Variants in CCDC30 observed in about 807,000 individuals in gnomAD.
CCDC30 encodes coiled-coil domain-containing protein 30.
CCDC30 carries 70 observed loss-of-function variants against 100.2 expected under a neutral mutation model. The observed-to-expected ratio is 0.70, with a 90% confidence interval of 0.58 to 0.85. The LOEUF is 0.85. Ranked by LOEUF, CCDC30 falls within the 40% of genes least tolerant of loss-of-function variation. CCDC30 has a pLI of 0.00. For synonymous variants in CCDC30, 233 were observed against 269.5 expected, an observed-to-expected ratio of 0.86 and a Z score of 1.33; for missense variants, 652 against 771.2, an observed-to-expected ratio of 0.85 and a Z score of 1.83.
intron 6 of CCDC30, among the ~76,000 whole-genome samples, chr1:42,532,165 C>T (rs893312128): frequency 6.6e-6 from 1 of 152,090 alleles, no homozygotes; most frequent in East Asian, 1.9e-4. Flanking sequence ...TTTTTGCCAT[C>T]GTAGTTTCCA....
intron 10 of CCDC30, among the ~76,000 whole-genome samples, chr1:42,606,703 AT>A (rs1230326953): frequency 6.6e-6 from 1 of 152,230 alleles, no homozygotes; most frequent in Non-Finnish European, 1.5e-5. Flanking sequence ...TAAACCTTAA[AT>A]TACAGCATGG....
At position 42,482,836 on chromosome 1, in the gene CCDC30, G is replaced by A; in HGVS notation, c.169+20G>A. The A allele has an allele frequency of 8.1e-7, 1 of 1,229,180 alleles. No homozygotes were observed. The highest frequency in any genetic ancestry group is 1.0e-6 in the Non-Finnish European group (1 of 984,206). The allele number at this position is 1,229,180 out of a possible 1,614,324, so 76.1% of individuals were successfully genotyped here. A position where few individuals can be genotyped will look rare whatever the true frequency, so the allele number is the denominator to read the frequency against. On this transcript the variant is annotated intron_variant, in intron 3 of 16. Transcript: ENST00000668663. The stretch of plus-strand genomic sequence containing the variant: ...AATTAGGTAAGCTGTGGTTTCAGAT[G>A]ACCATTTCCGATCATGCTTTAACTG...
chr1:42,521,484 A>G (rs932815729), intron 6 of CCDC30, among the ~76,000 whole-genome samples: 3 of 152,200 alleles, frequency 2.0e-5, no homozygotes, highest in Non-Finnish European at 2.9e-5. Flanking sequence ...CATATGATCT[A>G]TCTTGTAGAT....
At chr1:42,482,849 C>A in intron 3 of CCDC30, 33 bp downstream of exon 3, 1 of 1,202,152 alleles carries the variant, frequency 8.3e-7, no homozygotes, top group Non-Finnish European at 1.0e-6. Context: ...CATTTCCGAT[C>A]ATGCTTTAAC....
chr1:42,559,704 A>G (rs997030621), intron 6 of CCDC30, among the ~76,000 whole-genome samples: 2 of 152,170 alleles, frequency 1.3e-5, no homozygotes, highest in Admixed American at 1.3e-4. Flanking sequence ...GGGAGACTTT[A>G]ACACCCCACT....
chr1:42,539,133 T>A, intron 6 of CCDC30, 40 bp from the exon 8 acceptor site: 1 of 1,422,692 alleles, frequency 7.0e-7, no homozygotes, highest in South Asian at 1.5e-5. Context: ...GGGAAAATAG[T>A]CTTATTTTAT....
At chr1:42,653,110 A>C (rs1379206859) in intron 15 of CCDC30, among the ~76,000 whole-genome samples, 1 of 152,146 alleles carries the variant, frequency 6.6e-6, no homozygotes, top group East Asian at 1.9e-4. Context: ...ATAACAAAAG[A>C]AGCAAGGTGA....
intron 16 of CCDC30, 143 bp downstream of exon 20, chr1:42,653,586 A>G: frequency 1.5e-6 from 1 of 653,316 alleles, no homozygotes; most frequent in Non-Finnish European, 2.7e-6. Context: ...TACATGAATT[A>G]TTTGAATCTT....
Position 42,641,215 on chromosome 1 carries a change from TTGTGTGTGTGTGTGTGTG to T in CCDC30, c.1420-1229_1420-1212del, listed in dbSNP as rs71065188. Among the ~76,000 whole-genome samples the T allele has an allele frequency of 7.6e-5, 10 of 132,444 alleles. No homozygotes were observed. In the South Asian group the frequency reaches 1.3e-3, roughly 17 times the overall value. 86.9% of individuals were successfully genotyped at this position (132,444 alleles called of 152,430 possible). On this transcript the variant is annotated intron_variant, in intron 12 of 16. Transcript: ENST00000668663. ...CAGCCTTGAACTCCACACATGGCTTTTGTGTGTGTGTGTGTGTGTGTGTGTGTGTGTGTGTGTGTGTGT... is the reference window on the plus strand; with the variant it reads ...CAGCCTTGAACTCCACACATGGCTTTTGTGTGTGTGTGTGTGTGTGTGTGT...
At chr1:42,639,774 T>C (rs1253080333) in intron 12 of CCDC30, among the ~76,000 whole-genome samples, 3 of 152,168 alleles carry the variant, frequency 2.0e-5, no homozygotes, top group African/African-American at 7.2e-5. Context: ...TACACATTTT[T>C]CATAGATGTT....
At chr1:42,498,947 A>C (rs1207701820) in intron 6 of CCDC30, 31 bp downstream of exon 6, 36 of 1,158,198 alleles carry the variant, frequency 3.1e-5, no homozygotes, top group Non-Finnish European at 3.8e-5. Flanking sequence ...GTTCTTTCTG[A>C]TCTCTAATTT....
Position 42,651,262 on chromosome 1 carries a change from AC to A in CCDC30, c.1855-2113del, listed in dbSNP as rs1284470796. Among the ~76,000 whole-genome samples, 4 of 152,224 alleles carry A rather than the reference AC, an allele frequency of 2.6e-5. 1 individual carries two copies. In the South Asian group the frequency reaches 6.2e-4, roughly 24 times the overall value. ...TTATATCAAACTAAAAAGCTTCTGC[AC>A]AGCAAAAGAAACAATTAACAGAGTG... On this transcript the variant is annotated intron_variant, in intron 15 of 16. Coordinates refer to ENST00000668663, the Ensembl canonical transcript of CCDC30.
intron 10 of CCDC30, chr1:42,592,367 T>C (rs146747434): frequency 4.6e-5 from 7 of 152,316 alleles, no homozygotes; most frequent in Non-Finnish European, 8.8e-5. Context: ...GGCCTGGTGC[T>C]GTCCTCATAA....
intron 1 of CCDC30, among the ~76,000 whole-genome samples, chr1:42,479,938 G>A (rs912356843): frequency 6.6e-6 from 1 of 152,140 alleles, no homozygotes; most frequent in Non-Finnish European, 1.5e-5. Flanking sequence ...ACTGTGTGGA[G>A]TACAGCTGCT....
At chr1:42,484,905 G>T (rs1644025108) in intron 3 of CCDC30, among the ~76,000 whole-genome samples, 1 of 152,012 alleles carries the variant, frequency 6.6e-6, no homozygotes, top group South Asian at 2.1e-4. Flanking sequence ...AATTTTTAAA[G>T]ATTTAAGAGA....
chr1:42,594,952 T>C (rs1213169561), intron 10 of CCDC30: 1 of 151,780 alleles, frequency 6.6e-6, no homozygotes, highest in Non-Finnish European at 1.5e-5. Context: ...AAGACAACAC[T>C]TCAAACCTAT....
chr1:42,593,618 G>A (rs1280431504), intron 10 of CCDC30: 1 of 152,104 alleles, frequency 6.6e-6, no homozygotes, highest in Non-Finnish European at 1.5e-5. Flanking sequence ...TGGTACCCCT[G>A]GCAACTTGCC....
At chr1:42,508,665 G>C (rs188897129) in intron 6 of CCDC30, among the ~76,000 whole-genome samples, 2 of 151,830 alleles carry the variant, frequency 1.3e-5, no homozygotes, top group African/African-American at 4.8e-5. Context: ...GGGTGTGTAC[G>C]TGTGTGTGTG....
chr1:42,471,686 G>A (rs527663773), intron 1 of CCDC30, among the ~76,000 whole-genome samples: 15 of 152,170 alleles, frequency 9.9e-5, no homozygotes, highest in African/African-American at 3.4e-4. Context: ...GAAGGAGGTC[G>A]GGGGAACAGA....
Sources: gnomAD v4.1 joint callset for allele counts (sites outside exome capture counted in the v4.1 genomes callset) on GRCh38, gnomAD v4.1.1 for gene constraint, MANE v1.5 for transcripts, NCBI Gene and HGNC (gene_info 2026-07-23, HGNC 2026-07-21) for gene names.